SLC2A9: variants seen among roughly 807,000 people sequenced by gnomAD.
SLC2A9 encodes solute carrier family 2, facilitated glucose transporter member 9.
SLC2A9 carries 39 observed loss-of-function variants against 50.6 expected under a neutral mutation model. The observed-to-expected ratio is 0.77, with a 90% CI of 0.60 to 1.01. The LOEUF (loss-of-function observed/expected upper bound fraction) is 1.01. SLC2A9 is among the 50% of genes least tolerant of loss of function. The pLI, the probability that SLC2A9 is intolerant of heterozygous loss-of-function variation, is 0.00. For synonymous variants in SLC2A9, 324 were observed against 276.9 expected (o/e 1.17, Z -1.69); for missense variants, 686 against 677.6 (o/e 1.01, Z -0.14).
intron 7 of SLC2A9, among the ~76,000 whole-genome samples, chr4:9,918,815 C>T (rs1006035520): frequency 2.6e-5 from 4 of 152,120 alleles, no homozygotes; most frequent in African/African-American, 9.7e-5. Flanking sequence ...AGGTAAAGCA[C>T]GCTCAGCTGG....
intron 4 of SLC2A9, among the ~76,000 whole-genome samples, chr4:9,983,164 G>A (rs1032670807): frequency 5.3e-5 from 8 of 152,128 alleles, no homozygotes; most frequent in African/African-American, 1.9e-4. Context: ...CACCGTGCCC[G>A]GCCCATTTAA....
At chr4:10,031,811 A>G (rs1413244470) in intron 1 of SLC2A9, among the ~76,000 whole-genome samples, 1 of 152,174 alleles carries the variant, frequency 6.6e-6, no homozygotes, top group Non-Finnish European at 1.5e-5. Context: ...CCCATTCTTG[A>G]TCCCAAGCAC....
exon 2 of SLC2A9, chr4:9,771,349 T>G (rs994604499): frequency 5.1e-6 from 2 of 394,050 alleles, no homozygotes; most frequent in African/African-American, 4.1e-5. Flanking sequence ...TCTGCAGGTC[T>G]GCCTTCTTGA....
intron 3 of SLC2A9, among the ~76,000 whole-genome samples, chr4:9,790,661 T>TA (rs1344570921): frequency 1.3e-5 from 2 of 152,232 alleles, no homozygotes; most frequent in Admixed American, 6.5e-5. Flanking sequence ...CCGTAGCCCC[T>TA]AAACCTGTCT....
At chr4:10,030,193 T>C (rs1763893962) in intron 1 of SLC2A9, among the ~76,000 whole-genome samples, 1 of 152,150 alleles carries the variant, frequency 6.6e-6, no homozygotes, top group Admixed American at 6.6e-5. Flanking sequence ...TATTTCAAAA[T>C]TGCTGCAAGA....
upstream of SLC2A9, among the ~76,000 whole-genome samples, chr4:10,021,745 A>G (rs1434759244): frequency 1.3e-5 from 2 of 150,970 alleles, no homozygotes; most frequent in African/African-American, 4.9e-5. Context: ...GGTGACTGCC[A>G]TTAACCTAGG....
chr4:9,970,490 C>G (rs550481060), intron 5 of SLC2A9, among the ~76,000 whole-genome samples: 4 of 151,978 alleles, frequency 2.6e-5, no homozygotes, highest in Non-Finnish European at 5.9e-5. Flanking sequence ...AGGGGCACAG[C>G]CTGAAAACCA....
At chr4:9,951,026 G>C (rs1750152811) in intron 5 of SLC2A9, among the ~76,000 whole-genome samples, 1 of 152,016 alleles carries the variant, frequency 6.6e-6, no homozygotes. Flanking sequence ...ATACGTCAAA[G>C]GGATACCTGT....
chr4:9,987,703 T>C (rs1043048866), intron 3 of SLC2A9, among the ~76,000 whole-genome samples: 5 of 152,042 alleles, frequency 3.3e-5, no homozygotes, highest in African/African-American at 4.8e-5. Context: ...TAAGTTTTTT[T>C]CTCTAAACCA....
chr4:9,964,254 G>A (rs1752723766), intron 5 of SLC2A9, among the ~76,000 whole-genome samples: 1 of 143,800 alleles, frequency 7.0e-6, no homozygotes, highest in South Asian at 2.2e-4. Flanking sequence ...GCAGGGATGA[G>A]AATTTGCATT....
At chr4:9,910,773 C>T (rs894397591) in intron 7 of SLC2A9, among the ~76,000 whole-genome samples, 3 of 152,186 alleles carry the variant, frequency 2.0e-5, no homozygotes, top group Non-Finnish European at 2.9e-5. Flanking sequence ...CTATAGATGT[C>T]CCTTAGTAGG....
chr4:9,781,286 G>C (rs944163735), intron 3 of SLC2A9, among the ~76,000 whole-genome samples: 1 of 152,194 alleles, frequency 6.6e-6, no homozygotes, highest in African/African-American at 2.4e-5. Flanking sequence ...ACTCGGGTCT[G>C]TGGGTAATCC....
intron 10 of SLC2A9, among the ~76,000 whole-genome samples, chr4:9,863,655 G>A (rs796218888): frequency 6.6e-6 from 1 of 151,982 alleles, no homozygotes; most frequent in African/African-American, 2.4e-5. Flanking sequence ...AAGAAGTTGG[G>A]CATGCAAAGG....
chr4:9,998,451 G>T (rs544411453), intron 2 of SLC2A9, among the ~76,000 whole-genome samples: 3 of 152,270 alleles, frequency 2.0e-5, no homozygotes, highest in Non-Finnish European at 2.9e-5. Flanking sequence ...TGAAGCAGTG[G>T]CCAGTACTTG....
intron 3 of SLC2A9, among the ~76,000 whole-genome samples, chr4:9,813,242 A>C (rs1357206375): frequency 1.3e-5 from 2 of 152,198 alleles, no homozygotes; most frequent in Admixed American, 6.5e-5. Context: ...ATGGCTTTTC[A>C]GAGTCTAGAC....
downstream of SLC2A9, among the ~76,000 whole-genome samples, chr4:9,822,082 C>A (rs1389856099): frequency 1.3e-5 from 2 of 152,180 alleles, no homozygotes; most frequent in African/African-American, 2.4e-5. Context: ...TTGCCTCTTT[C>A]ATTACTGCTC....
chr4:9,784,715 C>T (rs1290322640), intron 3 of SLC2A9, among the ~76,000 whole-genome samples: 1 of 152,178 alleles, frequency 6.6e-6, no homozygotes, highest in Non-Finnish European at 1.5e-5. Context: ...TTATTCCAGA[C>T]CCACACCAGT....
At position 9,926,065 on chromosome 4, in the gene SLC2A9, C is replaced by A. The variant is rs182467311; in HGVS notation, c.815-5493G>T. ...GGTCCTCAGAGAGCCACGCTGTTAG[C>A]ACAGGTGCCATCCTGGCCTGGAGAC... On this transcript the variant is annotated intron_variant, in intron 6 of 11. Transcript: ENST00000264784. Among the ~76,000 whole-genome samples, 400 of 152,162 alleles carry A rather than the reference C, an allele frequency of 2.6e-3. 1 individual carries two copies. Among genetic ancestry groups the A allele is most frequent in the African/African-American group, 9.2e-3 (382 of 41,520 alleles).
chr4:9,789,804 TTAA>T (rs1413267617), intron 3 of SLC2A9, among the ~76,000 whole-genome samples: 2 of 152,226 alleles, frequency 1.3e-5, no homozygotes, highest in African/African-American at 4.8e-5. Context: ...TTGTGGGATA[TTAA>T]TAATACAATG....
Sources: gnomAD v4.1 joint callset for allele counts (sites outside exome capture counted in the v4.1 genomes callset) on GRCh38, gnomAD v4.1.1 for gene constraint, MANE v1.5 for transcripts, NCBI Gene and HGNC (gene_info 2026-07-23, HGNC 2026-07-21) for gene names.